RARB: variants seen among roughly 807,000 people sequenced by gnomAD.
The protein encoded by RARB is retinoic acid receptor beta, also known as HBV-activated protein.
In RARB, 17 loss-of-function variants were observed where a neutral mutation model predicts 51.9. The observed-to-expected ratio is 0.33, with a 90% confidence interval of 0.22 to 0.49. The LOEUF (loss-of-function observed/expected upper bound fraction) is 0.49. Ranked by LOEUF, RARB falls within the 20% of genes least tolerant of loss-of-function variation. The pLI, the probability that RARB is intolerant of heterozygous loss-of-function variation, is 0.99. For synonymous variants in RARB, 215 were observed against 195.4 expected, an observed-to-expected ratio of 1.10 and a Z score of -0.84; for missense variants, 369 against 550.8, an observed-to-expected ratio of 0.67 and a Z score of 3.30.
intron 2 of RARB, among the ~76,000 whole-genome samples, chr3:24,884,308 T>C (rs1703230549): frequency 6.6e-6 from 1 of 152,204 alleles, no homozygotes; most frequent in African/African-American, 2.4e-5. Context: ...AATGTCATAT[T>C]ATCTATTACA....
chr3:24,884,792 A>G (rs1703238098), intron 2 of RARB, among the ~76,000 whole-genome samples: 1 of 152,166 alleles, frequency 6.6e-6, no homozygotes, highest in South Asian at 2.1e-4. Flanking sequence ...CTATTTGAAA[A>G]GTAGATGAGA....
chr3:24,879,343 G>A (rs1575050378), intron 2 of RARB, among the ~76,000 whole-genome samples: 1 of 151,924 alleles, frequency 6.6e-6, no homozygotes, highest in South Asian at 2.1e-4. Context: ...GCAGGAGAAT[G>A]GCGTGAACCC....
intron 2 of RARB, among the ~76,000 whole-genome samples, chr3:24,883,477 AG>A (rs1251137325): frequency 1.3e-5 from 2 of 152,056 alleles, no homozygotes; most frequent in African/African-American, 4.8e-5. Context: ...TATAAAGTAA[AG>A]GAATCAAGAA....
At chr3:25,457,388 G>A (rs1194644217) in intron 1 of RARB, among the ~76,000 whole-genome samples, 1 of 152,160 alleles carries the variant, frequency 6.6e-6, no homozygotes, top group Non-Finnish European at 1.5e-5. Flanking sequence ...AGAATCTATT[G>A]TACTCACATG....
In RARB at chr3:24,862,601, A is replaced by G. The variant is rs554475026; in HGVS notation, c.-380+3849A>G. 8.7e-4 allele frequency among the ~76,000 whole-genome samples: 133 copies of G among 152,234 alleles called. 2 individuals are homozygous for G. Among genetic ancestry groups the G allele is most frequent in the Admixed American group, 4.1e-3 (63 of 15,284 alleles). On this transcript the variant is annotated intron_variant, in intron 2 of 11. Coordinates refer to the RARB transcript ENST00000383772. ...CCTCTGTCTAGCGTATCCATGCTGT[A>G]TATTCTGAGTCTGGTAGTCACTTAG...
chr3:24,940,441 T>C (rs922707228), intron 2 of RARB, among the ~76,000 whole-genome samples: 1 of 110,344 alleles, frequency 9.1e-6, no homozygotes, highest in African/African-American at 3.8e-5. Context: ...TTCCTCTTTT[T>C]ACAACAAGAG....
At chr3:25,193,180 G>A (rs545030357) in intron 5 of RARB, among the ~76,000 whole-genome samples, 10 of 151,928 alleles carry the variant, frequency 6.6e-5, no homozygotes, top group African/African-American at 2.2e-4. Context: ...TGGCTTAGTT[G>A]TGTGTCTCCC....
chr3:24,869,834 C>A (rs1702914206), intron 2 of RARB, among the ~76,000 whole-genome samples: 1 of 152,066 alleles, frequency 6.6e-6, no homozygotes, highest in African/African-American at 2.4e-5. Context: ...CCTGGTTTAT[C>A]ATTCTGCTAT....
intron 2 of RARB, among the ~76,000 whole-genome samples, chr3:24,994,640 A>G (rs1162089621): frequency 6.6e-6 from 1 of 151,952 alleles, no homozygotes; most frequent in East Asian, 1.9e-4. Context: ...TACCACATGT[A>G]GGTATTTGGT....
intron 1 of RARB, among the ~76,000 whole-genome samples, chr3:24,850,504 A>G (rs550013576): frequency 6.6e-6 from 1 of 152,342 alleles, no homozygotes; most frequent in Admixed American, 6.5e-5. Flanking sequence ...ACAATATTGC[A>G]TTCTTCCTCT....
chr3:24,925,098 C>G (rs1216079876), intron 2 of RARB, among the ~76,000 whole-genome samples: 1 of 152,038 alleles, frequency 6.6e-6, no homozygotes. Flanking sequence ...CTTTTCGCAG[C>G]CCTCTCATAT....
intron 5 of RARB, among the ~76,000 whole-genome samples, chr3:25,176,047 G>A (rs1037058984): frequency 5.9e-5 from 9 of 152,138 alleles, no homozygotes; most frequent in Non-Finnish European, 1.3e-4. Flanking sequence ...TTTTACCTAT[G>A]AGCCTCTGTG....
intron 5 of RARB, among the ~76,000 whole-genome samples, chr3:25,589,345 G>T (rs1169877699): frequency 2.6e-5 from 4 of 152,208 alleles, no homozygotes; most frequent in African/African-American, 9.7e-5. Context: ...AGTTAAAGTT[G>T]GCAAGGTAGG....
intron 5 of RARB, among the ~76,000 whole-genome samples, chr3:25,360,771 G>A (rs1251987066): frequency 4.6e-5 from 7 of 152,130 alleles, no homozygotes; most frequent in Non-Finnish European, 4.4e-5. Context: ...ACTCTCAGTT[G>A]AAAATTCTTT....
intron 5 of RARB, among the ~76,000 whole-genome samples, chr3:25,295,766 ACACTC>A (rs1474566911): frequency 6.6e-6 from 1 of 152,190 alleles, no homozygotes; most frequent in Non-Finnish European, 1.5e-5. Flanking sequence ...TTTGACTAAG[ACACTC>A]ACATGCTAGA....
intron 2 of RARB, among the ~76,000 whole-genome samples, chr3:25,497,331 G>A (rs545127156): frequency 1.3e-5 from 2 of 152,280 alleles, no homozygotes; most frequent in African/African-American, 4.8e-5. Context: ...CCCTCATGAT[G>A]GTGTCCTTTA....
intron 2 of RARB, among the ~76,000 whole-genome samples, chr3:24,869,264 T>G (rs978959008): frequency 6.6e-6 from 1 of 152,180 alleles, no homozygotes. Context: ...TTTACAAATC[T>G]GGTCAACTTT....
chr3:25,468,767 A>G (rs1030502262), intron 2 of RARB, among the ~76,000 whole-genome samples: 1 of 152,258 alleles, frequency 6.6e-6, no homozygotes, highest in Non-Finnish European at 1.5e-5. Context: ...CAAGGCAGTC[A>G]GTCTTTCCCA....
intron 2 of RARB, among the ~76,000 whole-genome samples, chr3:25,492,755 G>C (rs749228609): frequency 1.3e-5 from 2 of 152,090 alleles, no homozygotes; most frequent in African/African-American, 4.8e-5. Context: ...CAAAATTCAG[G>C]CTTTCTTTTC....
Sources: allele counts gnomAD v4.1 joint callset (sites outside exome capture counted in the v4.1 genomes callset), GRCh38; gene constraint gnomAD v4.1.1; transcripts MANE v1.5; gene names NCBI Gene and HGNC (gene_info 2026-07-23, HGNC 2026-07-21).